Variants in MAPKAPK2 observed in about 807,000 individuals in gnomAD.
MAPKAPK2 encodes MAP kinase-activated protein kinase 2.
MAPKAPK2 carries 9 observed loss-of-function variants against 48.8 expected under a neutral mutation model. The observed-to-expected ratio is 0.18, with a 90% CI of 0.11 to 0.32. The LOEUF (loss-of-function observed/expected upper bound fraction) is 0.32. Ranked by LOEUF, MAPKAPK2 falls within the 10% of genes least tolerant of loss-of-function variation. MAPKAPK2 has a pLI of 1.00. For synonymous variants in MAPKAPK2, 202 were observed against 190.6 expected (o/e 1.06, Z -0.49); for missense variants, 331 against 498.3 (o/e 0.66, Z 3.20).
intron 1 of MAPKAPK2, among the ~76,000 whole-genome samples, chr1:206,686,009 G>C (rs1553425559): frequency 6.6e-6 from 1 of 152,182 alleles, no homozygotes; most frequent in Non-Finnish European, 1.5e-5. Flanking sequence ...GCCGGAATGT[G>C]TGATTTCACT....
In MAPKAPK2 at chr1:206,731,778, C is replaced by T. The variant is rs1346787148; in HGVS notation, c.978+53C>T. 19 of 1,610,746 alleles carry T rather than the reference C, an allele frequency of 1.2e-5. No individual in the cohort carries two copies. Among genetic ancestry groups the T allele is most frequent in the Non-Finnish European group, 1.4e-5 (16 of 1,176,916 alleles). ...GGTCTCACGGGACTATTCCACAGGA[C>T]AGAGTCTTAGCCAGGACCCTACCCC... is the stretch of plus-strand genomic sequence containing the variant. On this transcript the variant is annotated intron_variant, in intron 8 of 9. Transcript: ENST00000367103. The surrounding 1 kb of genome is among the most constrained non-coding windows in gnomAD (Gnocchi z 5.9).
chr1:206,730,373 C>A (rs1453086641), intron 5 of MAPKAPK2, among the ~76,000 whole-genome samples: 1 of 152,236 alleles, frequency 6.6e-6, no homozygotes, highest in Non-Finnish European at 1.5e-5. Flanking sequence ...TGTTCTGGAG[C>A]CACAGCTGAT....
At chr1:206,706,601 G>A (rs537338066) in intron 1 of MAPKAPK2, among the ~76,000 whole-genome samples, 171 of 152,310 alleles carry the variant, frequency 1.1e-3, no homozygotes, top group African/African-American at 3.9e-3. Context: ...TGAGCTCACC[G>A]AGGCGGGTAT....
chr1:206,690,975 T>G (rs1553426162), intron 1 of MAPKAPK2, among the ~76,000 whole-genome samples: 1 of 152,232 alleles, frequency 6.6e-6, no homozygotes, highest in East Asian at 1.9e-4. Context: ...TTCTGTGTCC[T>G]GGAGGGAGGT....
rs540003532 is a variant in MAPKAPK2 at position 206,725,191 on chromosome 1, G to A, written c.280-3519G>A. Among the ~76,000 whole-genome samples, 60 of 152,344 alleles carry A rather than the reference G, an allele frequency of 3.9e-4. 1 individual carries two copies. The South Asian group carries it at 0.012, about 32-fold the overall frequency. ...CAAACTCTCCTTTGCCTTGTGCCAC[G>A]CACTCCTAACGTGTTCAGGGCAGAA... On this transcript the variant is annotated intron_variant, in intron 1 of 9. Coordinates refer to ENST00000367103, the MANE Select transcript of MAPKAPK2 (RefSeq NM_032960.4).
At chr1:206,689,811 CAT>C (rs781837109) in intron 1 of MAPKAPK2, among the ~76,000 whole-genome samples, 3 of 152,198 alleles carry the variant, frequency 2.0e-5, no homozygotes, top group Admixed American at 6.5e-5. Flanking sequence ...GTTCAGTAAA[CAT>C]GTGGCTAATG....
At chr1:206,697,663 C>CA (rs1672673319) in intron 1 of MAPKAPK2, among the ~76,000 whole-genome samples, 1 of 152,202 alleles carries the variant, frequency 6.6e-6, no homozygotes, top group Non-Finnish European at 1.5e-5. Context: ...AAACATCTCC[C>CA]ACCGGGCCCC....
In MAPKAPK2 at chr1:206,685,380, G is replaced by T. The variant is rs1275111539; in HGVS notation, c.151G>T (p.Gly51Cys). 2.0e-6 allele frequency: 3 copies of T among 1,476,496 alleles called. No homozygotes were observed. Among genetic ancestry groups the T allele is most frequent in the Non-Finnish European group, 1.8e-6 (2 of 1,098,714 alleles). 91.5% of individuals were successfully genotyped at this position (1,476,496 alleles called of 1,614,324 possible). Residue 51 changes from glycine to cysteine, a missense_variant, in exon 1 of 10, where the codon GGC becomes TGC. Coordinates refer to ENST00000367103, the MANE Select transcript of MAPKAPK2 (RefSeq NM_032960.4). ...GTTCCCGCAGTTCCACGTCAAGTCCGGCCTGCAGATCAAGAAGAACGCCAT... is the reference window on the plus strand; with the variant it reads ...GTTCCCGCAGTTCCACGTCAAGTCCTGCCTGCAGATCAAGAAGAACGCCAT... ...QQFPQFHVKSGLQIKKNAIID... is the reference protein window; with the variant it reads ...QQFPQFHVKSCLQIKKNAIID...
chr1:206,711,909 C>T (rs1368939995), intron 1 of MAPKAPK2, among the ~76,000 whole-genome samples: 1 of 152,204 alleles, frequency 6.6e-6, no homozygotes, highest in Non-Finnish European at 1.5e-5. Context: ...AGGTGTGCGT[C>T]ACTGTGCCTG....
rs782660184 is a variant in MAPKAPK2 at position 206,685,524 on chromosome 1, G to T, written c.279+16G>T. The T allele has an allele frequency of 2.7e-6, 4 of 1,492,844 alleles. No homozygotes were observed. Among genetic ancestry groups the T allele is most frequent in the Non-Finnish European group, 2.7e-6 (3 of 1,114,352 alleles). 92.5% of individuals were successfully genotyped at this position (1,492,844 alleles called of 1,614,324 possible). A position where few individuals can be genotyped will look rare whatever the true frequency, so the allele number is the denominator to read the frequency against. On this transcript the variant is annotated intron_variant, in intron 1 of 9. Transcript: ENST00000367103. ...CGCCCTCAAAGTAGGTCTGGGGCCC[G>T]GGGAGGGGAGGCGGGGCCGGTCCCG...
intron 3 of MAPKAPK2, 92 bp from the exon 4 acceptor site, chr1:206,729,304 C>T: frequency 2.5e-6 from 3 of 1,201,300 alleles, no homozygotes; most frequent in South Asian, 1.2e-5. Flanking sequence ...CCTCAGGCTG[C>T]ACAGAGGTGG....
chr1:206,712,156 C>T (rs992193174), intron 1 of MAPKAPK2, among the ~76,000 whole-genome samples: 5 of 152,160 alleles, frequency 3.3e-5, no homozygotes. Flanking sequence ...ATGCTTTACA[C>T]CTTCTCTTCC....
rs17014458 is a variant in MAPKAPK2, at chr1:206,702,269, C to T, written c.279+16761C>T. Among the ~76,000 whole-genome samples the T allele has an allele frequency of 9.1e-3, 1,387 of 152,278 alleles. 32 individuals are homozygous for T. Among genetic ancestry groups the T allele is most frequent in the African/African-American group, 0.031 (1,304 of 41,544 alleles). ...TTGCATCTTTAGAGCCTCGCAGAACCGTCATCTTCATCCTTGCACTCAGTC... is the reference window on the plus strand; with the variant it reads ...TTGCATCTTTAGAGCCTCGCAGAACTGTCATCTTCATCCTTGCACTCAGTC... On this transcript the variant is annotated intron_variant, in intron 1 of 9. Coordinates refer to ENST00000367103, the MANE Select transcript of MAPKAPK2 (RefSeq NM_032960.4).
At position 206,731,030 on chromosome 1, in the gene MAPKAPK2, C is replaced by T. The variant is rs1479698114; in HGVS notation, c.768-108C>T. On this transcript the variant is annotated intron_variant, in intron 6 of 9. Transcript: ENST00000367103. The surrounding 1 kb of genome is among the most constrained non-coding windows in gnomAD (Gnocchi z 5.9). ...TGCCTGTGTCAATAAGCCCTGATTT[C>T]TCTGTGACCTTTACAAGGAGAAGAG... The T allele has an allele frequency of 4.1e-6, 6 of 1,469,262 alleles. No homozygotes were observed. Among genetic ancestry groups the T allele is most frequent in the Non-Finnish European group, 4.7e-6 (5 of 1,054,308 alleles). 91.0% of individuals were successfully genotyped at this position (1,469,262 alleles called of 1,614,324 possible).
intron 1 of MAPKAPK2, among the ~76,000 whole-genome samples, chr1:206,688,187 G>A (rs182733338): frequency 3.0e-4 from 45 of 152,316 alleles, no homozygotes; most frequent in Middle Eastern, 3.4e-3. Flanking sequence ...AGAGTTGCAA[G>A]GGACTTGAAA....
Position 206,732,535 on chromosome 1 carries a change from G to C in MAPKAPK2, c.1060-40G>C. On this transcript the variant is annotated intron_variant, in intron 9 of 9. Transcript: ENST00000367103. This position sits in a 1 kb window ranked among gnomAD's most constrained non-coding sequence, Gnocchi z 4.4. ...CTGCTGTCTCTCCTACCTGTCTTCT[G>C]GCTCTCTCTGTACCCTTCCTGGTGC... The C allele has an allele frequency of 6.2e-7, 1 of 1,607,094 alleles. No homozygotes were observed. Among genetic ancestry groups the C allele is most frequent in the Non-Finnish European group, 8.5e-7 (1 of 1,175,426 alleles).
At chr1:206,695,703 T>G (rs532091130) in intron 1 of MAPKAPK2, 1 of 255,032 alleles carries the variant, frequency 3.9e-6, no homozygotes, top group Non-Finnish European at 7.7e-6. Flanking sequence ...AACTTGCTGA[T>G]ACACTCTTAC....
At chr1:206,713,765 T>G (rs1294874919) in intron 1 of MAPKAPK2, among the ~76,000 whole-genome samples, 1 of 152,104 alleles carries the variant, frequency 6.6e-6, no homozygotes, top group African/African-American at 2.4e-5. Flanking sequence ...AGTCAGGTGC[T>G]TGAGGTGGGA....
intron 1 of MAPKAPK2, among the ~76,000 whole-genome samples, chr1:206,724,185 A>G (rs1200351110): frequency 3.9e-5 from 6 of 152,230 alleles, no homozygotes; most frequent in African/African-American, 1.4e-4. Flanking sequence ...GCCCATGCCC[A>G]AGGAGCAGGG....
Sources: gnomAD v4.1 joint callset for allele counts (sites outside exome capture counted in the v4.1 genomes callset) on GRCh38, gnomAD v4.1.1 for gene constraint, Gnocchi (gnomAD v3.1) non-coding constraint, MANE v1.5 for transcripts, NCBI Gene and HGNC (gene_info 2026-07-23, HGNC 2026-07-21) for gene names.